The following BLM variants were observed in gnomAD, a reference collection of about 807,000 sequenced individuals.
BLM encodes the protein BLM RecQ like helicase.
In BLM, 95 loss-of-function variants were observed where a neutral mutation model predicts 135.3. The observed-to-expected ratio is 0.70, with a 90% CI of 0.59 to 0.83. The LOEUF (loss-of-function observed/expected upper bound fraction) is 0.83, where lower values mean the gene tolerates loss of function less well. Among genes scored for constraint, BLM ranks in the 40% least tolerant of loss-of-function variants. The pLI is 0.00. For missense variants in BLM, 1,518 were observed against 1,663.9 expected (o/e 0.91, Z 1.53); for synonymous variants, 520 against 589.2 (o/e 0.88, Z 1.70).
In BLM at chr15:90,747,237, CAAA is replaced by C. The variant is rs59331923; in HGVS notation, c.-4-128_-4-126del. ...GTAAATGTCAAAACAGTCTATTGAC[CAAA>C]AAAAAAAAAAAAAAAAAAAAAAAGT... On this transcript the variant is annotated intron_variant, in intron 1 of 21. Transcript: ENST00000355112. 5.3e-3 allele frequency among the ~76,000 whole-genome samples: 209 copies of C among 39,290 alleles called. 1 individual carries two copies. Among genetic ancestry groups the C allele is most frequent in the African/African-American group, 0.019 (197 of 10,576 alleles). 25.8% of individuals were successfully genotyped at this position (39,290 alleles called of 152,430 possible).
chr15:90,735,428 T>C (rs1895188891), intron 1 of BLM, among the ~76,000 whole-genome samples: 1 of 151,696 alleles, frequency 6.6e-6, no homozygotes, highest in Non-Finnish European at 1.5e-5. Flanking sequence ...AAAGAGAAAG[T>C]AGACTTCCAG....
chr15:90,730,514 A>G (rs147572412), intron 1 of BLM, among the ~76,000 whole-genome samples: 2 of 152,038 alleles, frequency 1.3e-5, no homozygotes, highest in African/African-American at 4.8e-5. Context: ...CAGTGGCGCA[A>G]TCTTGGCCCA....
intron 21 of BLM, among the ~76,000 whole-genome samples, chr15:90,813,489 G>T (rs1190626534): frequency 6.6e-6 from 1 of 152,104 alleles, no homozygotes; most frequent in Non-Finnish European, 1.5e-5. Flanking sequence ...TGCCTCCCGG[G>T]TTCAAGCTAT....
chr15:90,741,720 A>G (rs1390616802), intron 1 of BLM, among the ~76,000 whole-genome samples: 1 of 152,088 alleles, frequency 6.6e-6, no homozygotes, highest in African/African-American at 2.4e-5. Context: ...TTTGGGTTGT[A>G]TTGGTATATT....
chr15:90,744,881 C>T (rs973419820), intron 1 of BLM, among the ~76,000 whole-genome samples: 3 of 151,862 alleles, frequency 2.0e-5, no homozygotes, highest in Non-Finnish European at 4.4e-5. Context: ...GAAACCCCAT[C>T]TCTACCAAAA....
intron 12 of BLM, 137 bp downstream of exon 12, chr15:90,769,723 T>C (rs1000596580): frequency 4.0e-5 from 41 of 1,033,674 alleles, no homozygotes; most frequent in African/African-American, 5.6e-5. Context: ...TGTAACCCGA[T>C]GGCAGCTAAA....
At chr15:90,804,731 C>T (rs28745037) in intron 19 of BLM, among the ~76,000 whole-genome samples, 12,861 of 152,162 alleles carry the variant, frequency 0.085, 860 homozygotes, top group African/African-American at 0.18. Flanking sequence ...TGCCAGAGTG[C>T]TGGGATTACA....
chr15:90,730,430 T>A (rs1031603639), intron 1 of BLM, among the ~76,000 whole-genome samples: 1 of 152,038 alleles, frequency 6.6e-6, no homozygotes, highest in African/African-American at 2.4e-5. Flanking sequence ...TCTATTCCTG[T>A]TTGATAAGAG....
At chr15:90,771,078 A>G (rs981221996) in intron 12 of BLM, among the ~76,000 whole-genome samples, 5 of 152,058 alleles carry the variant, frequency 3.3e-5, no homozygotes. Flanking sequence ...GTGTGATCAC[A>G]AAGTTTGGAA....
intron 20 of BLM, 148 bp downstream of exon 20, chr15:90,809,407 C>A: frequency 2.3e-6 from 3 of 1,316,176 alleles, no homozygotes; most frequent in Non-Finnish European, 3.2e-6. Context: ...TGCCAGTCAC[C>A]TCTGAGAGGA....
intron 8 of BLM, among the ~76,000 whole-genome samples, chr15:90,764,117 C>G (rs977015187): frequency 2.0e-5 from 3 of 151,876 alleles, no homozygotes; most frequent in Non-Finnish European, 1.5e-5. Context: ...AAAACCTTGG[C>G]AATGATCTAA....
At chr15:90,778,008 G>A (rs1451170667) in intron 12 of BLM, among the ~76,000 whole-genome samples, 2 of 152,266 alleles carry the variant, frequency 1.3e-5, no homozygotes, top group Admixed American at 1.3e-4. Flanking sequence ...ATCAATTGAT[G>A]GGAACTGTCT....
In BLM at chr15:90,790,628, A is replaced by G. The variant is rs780918325; in HGVS notation, c.2824-21A>G. The G allele has an allele frequency of 8.7e-6, 14 of 1,608,286 alleles. No individual in the cohort carries two copies. The highest frequency in any genetic ancestry group is 1.3e-5 in the African/African-American group (1 of 74,812). On this transcript the variant is annotated intron_variant, in intron 14 of 21. Transcript: ENST00000355112. Reference sequence around the variant, plus strand: ...CAAGTCTGTGCCTTATGAATCTAATAAGCTTTTGCTTTTATATCAGGTTAT... The same window carrying G: ...CAAGTCTGTGCCTTATGAATCTAATGAGCTTTTGCTTTTATATCAGGTTAT...
intron 2 of BLM, among the ~76,000 whole-genome samples, chr15:90,748,581 T>A (rs903450438): frequency 1.3e-5 from 2 of 152,172 alleles, no homozygotes; most frequent in Non-Finnish European, 2.9e-5. Flanking sequence ...TCTGGGTGCC[T>A]GGCTTTGAAG....
chr15:90,736,129 G>A (rs1895209693), intron 1 of BLM, among the ~76,000 whole-genome samples: 1 of 152,210 alleles, frequency 6.6e-6, no homozygotes, highest in Admixed American at 6.5e-5. Flanking sequence ...CCCCATTGGT[G>A]AGGCTGTGAG....
At chr15:90,734,683 A>G (rs1215634665) in intron 1 of BLM, among the ~76,000 whole-genome samples, 3 of 128,018 alleles carry the variant, frequency 2.3e-5, no homozygotes, top group South Asian at 2.7e-4. Flanking sequence ...ACGCACACAC[A>G]CACACACACA....
intron 5 of BLM, among the ~76,000 whole-genome samples, chr15:90,757,300 G>T (rs532387513): frequency 6.6e-6 from 1 of 152,022 alleles, no homozygotes; most frequent in Non-Finnish European, 1.5e-5. Context: ...CCTCACACAC[G>T]TGTCAGTGAC....
At chr15:90,734,577 C>T (rs989522574) in intron 1 of BLM, among the ~76,000 whole-genome samples, 6 of 151,986 alleles carry the variant, frequency 3.9e-5, no homozygotes, top group African/African-American at 1.4e-4. Context: ...TGTGAGCCAC[C>T]ATGCCTGGCC....
rs1409839354 is a variant in BLM at position 90,724,295 on chromosome 15, G to A, written c.-5+6855G>A. Among the ~76,000 whole-genome samples, 4 of 152,220 alleles carry A rather than the reference G, an allele frequency of 2.6e-5. 1 individual carries two copies. The South Asian group carries it at 6.2e-4, about 24-fold the overall frequency. On this transcript the variant is annotated intron_variant, in intron 1 of 21. Coordinates refer to ENST00000355112, the MANE Select transcript of BLM (RefSeq NM_000057.4). ...CCCAAAGTGCTGGGATTACAAGCAT[G>A]AGCCACTTCATCTAGTCAATTTTTT...
Sources: gnomAD v4.1 joint callset for allele counts (sites outside exome capture counted in the v4.1 genomes callset) on GRCh38, gnomAD v4.1.1 for gene constraint, MANE v1.5 for transcripts, NCBI Gene and HGNC (gene_info 2026-07-23, HGNC 2026-07-21) for gene names.